ZHX3: variants seen among roughly 807,000 people sequenced by gnomAD.
The protein encoded by ZHX3 is zinc fingers and homeoboxes 3.
In ZHX3, 20 loss-of-function variants were observed where a neutral mutation model predicts 64.5. The observed-to-expected ratio is 0.31, with a 90% CI of 0.22 to 0.45. The LOEUF is 0.45. Ranked by LOEUF, ZHX3 falls within the 20% of genes least tolerant of loss-of-function variation. The probability of loss-of-function intolerance (pLI) is 1.00; values close to 1 mark genes in which losing one functional copy is unlikely to be tolerated. For synonymous variants in ZHX3, 423 were observed against 461.6 expected, an observed-to-expected ratio of 0.92 and a Z score of 1.07; for missense variants, 1,041 against 1,195.8, an observed-to-expected ratio of 0.87 and a Z score of 1.91.
chr20:41,200,420 A>G lies in ZHX3; in HGVS notation c.2860+1637T>C, dbSNP rs1286070827. Reference sequence around the variant, plus strand: ...TATAAGGACCAACTTACAAACTTGGACAAAGACTTGTAGGAGAGACTACCT... The same window carrying G: ...TATAAGGACCAACTTACAAACTTGGGCAAAGACTTGTAGGAGAGACTACCT... On this transcript the variant is annotated intron_variant, in intron 3 of 3. Coordinates refer to ENST00000683867, the MANE Select transcript of ZHX3 (RefSeq NM_001384317.1). This position sits in a 1 kb window ranked among gnomAD's most constrained non-coding sequence, Gnocchi z 4.2. Among the ~76,000 whole-genome samples the G allele has an allele frequency of 6.6e-6, 1 of 152,210 alleles. No individual in the cohort carries two copies.
chr20:41,302,044 A>C (rs1600671654), intron 1 of ZHX3, among the ~76,000 whole-genome samples: 1 of 110,080 alleles, frequency 9.1e-6, no homozygotes. Flanking sequence ...ACGGAGCGAG[A>C]CTCCATCTCA....
chr20:41,312,283 G>T (rs2045161932), intron 1 of ZHX3, among the ~76,000 whole-genome samples: 1 of 152,164 alleles, frequency 6.6e-6, no homozygotes, highest in Non-Finnish European at 1.5e-5. Flanking sequence ...CCTGTAAAAT[G>T]GACCAATCAG....
intron 3 of ZHX3, among the ~76,000 whole-genome samples, chr20:41,196,405 T>TATAA (rs2037538434): frequency 1.4e-5 from 1 of 72,840 alleles, no homozygotes; most frequent in African/African-American, 5.3e-5. Context: ...ATATATATTA[T>TATAA]ATATTATATA....
Position 41,212,246 on chromosome 20 carries a change from A to G in ZHX3, c.-150-7180T>C, listed in dbSNP as rs531891315. Among the ~76,000 whole-genome samples the G allele has an allele frequency of 3.3e-4, 51 of 152,338 alleles. No individual in the cohort carries two copies. Among genetic ancestry groups the G allele is most frequent in the Non-Finnish European group, 6.5e-4 (44 of 68,024 alleles). ...GATTTGAATAGACACTTCTCCAAAG[A>G]AGATATACAAATGGCCAGTAAAGCA... On this transcript the variant is annotated intron_variant, in intron 2 of 3. Transcript: ENST00000683867. This position sits in a 1 kb window ranked among gnomAD's most constrained non-coding sequence, Gnocchi z 4.3.
At chr20:41,307,653 A>G (rs1484190242) in intron 1 of ZHX3, among the ~76,000 whole-genome samples, 1 of 152,254 alleles carries the variant, frequency 6.6e-6, no homozygotes, top group Non-Finnish European at 1.5e-5. Context: ...ACCATGTTGT[A>G]GTCTTGCTAA....
At chr20:41,261,581 G>A (rs1455919565) in intron 2 of ZHX3, among the ~76,000 whole-genome samples, 1 of 152,144 alleles carries the variant, frequency 6.6e-6, no homozygotes, top group Non-Finnish European at 1.5e-5. Context: ...CATGGATGTG[G>A]CATTTGGGCC....
At chr20:41,306,185 G>A (rs1169443678) in intron 1 of ZHX3, among the ~76,000 whole-genome samples, 1 of 152,028 alleles carries the variant, frequency 6.6e-6, no homozygotes, top group Non-Finnish European at 1.5e-5. Context: ...ATTGTATTTG[G>A]GGATGCGACG....
chr20:41,239,379 A>G (rs1353671322), intron 2 of ZHX3, among the ~76,000 whole-genome samples: 1 of 152,104 alleles, frequency 6.6e-6, no homozygotes, highest in East Asian at 1.9e-4. Context: ...CGTGACAGCA[A>G]GGTAACTCCA....
intron 1 of ZHX3, among the ~76,000 whole-genome samples, 132 bp downstream of exon 1, chr20:41,317,349 GCGGGAGGGGGCTGACTGAGACTGCGGGC>G (rs937590823): frequency 5.3e-5 from 8 of 152,190 alleles, no homozygotes; most frequent in African/African-American, 1.9e-4. Flanking sequence ...GGGGCAGCCG[GCGGGAGGGGGCTGACTGAGACTGCGGGC>G]CGGCCGCGGG....
intron 2 of ZHX3, among the ~76,000 whole-genome samples, chr20:41,239,299 G>A (rs1394009713): frequency 2.0e-5 from 3 of 151,872 alleles, no homozygotes; most frequent in African/African-American, 4.8e-5. Flanking sequence ...GTGAGCCACC[G>A]TGCCTGGCCA....
At chr20:41,301,792 C>A (rs530643798) in intron 1 of ZHX3, among the ~76,000 whole-genome samples, 441 of 152,232 alleles carry the variant, frequency 2.9e-3, no homozygotes, top group African/African-American at 0.01. Flanking sequence ...CGGTGGCTCA[C>A]GCCTGTAATC....
Position 41,180,341 on chromosome 20 carries a change from T to C in ZHX3, c.*4850A>G, listed in dbSNP as rs982170878. The C allele has an allele frequency of 1.3e-5, 2 of 152,670 alleles. No individual in the cohort carries two copies. The highest frequency in any genetic ancestry group is 6.5e-5 in the Admixed American group (1 of 15,302). The allele number at this position is 152,670 out of a possible 1,614,324, so 9.5% of individuals were successfully genotyped here. A position where few individuals can be genotyped will look rare whatever the true frequency, so the allele number is the denominator to read the frequency against. On this transcript the variant is annotated 3_prime_UTR_variant, in exon 4 of 4. Coordinates refer to ENST00000683867, the MANE Select transcript of ZHX3 (RefSeq NM_001384317.1). ...AACCCAAAGATAGAACTTTCAGAAA[T>C]TGAGGAAGGGGGTGCTTTCCCCTGT... is the stretch of plus-strand genomic sequence containing the variant.
chr20:41,196,433 A>AATATATATATTATATATAATATATTTAT (rs2037569206), intron 3 of ZHX3, among the ~76,000 whole-genome samples: 5 of 5,566 alleles, frequency 9.0e-4, no homozygotes, highest in Non-Finnish European at 1.6e-3. Flanking sequence ...TATTTATATA[A>AATATATATATTATATATAATATATTTAT]ATATATATAT....
intron 1 of ZHX3, among the ~76,000 whole-genome samples, chr20:41,303,945 T>G (rs1329483894): frequency 6.6e-6 from 1 of 152,200 alleles, no homozygotes; most frequent in Admixed American, 6.5e-5. Context: ...CCCAAGGTAA[T>G]GTGGTGGTGG....
In ZHX3 at chr20:41,185,052, C is replaced by A. The variant is rs755558236; in HGVS notation, c.*139G>T. ...GTAGCGGCAGGCTCTGGGCTGTCTGCGAGGATTCTGGAAGCTCTCCCAGGT... is the reference window on the plus strand; with the variant it reads ...GTAGCGGCAGGCTCTGGGCTGTCTGAGAGGATTCTGGAAGCTCTCCCAGGT... On this transcript the variant is annotated 3_prime_UTR_variant, in exon 4 of 4. Transcript: ENST00000683867. The surrounding 1 kb of genome is among the most constrained non-coding windows in gnomAD (Gnocchi z 5.0). 6.4e-7 allele frequency: 1 copy of A among 1,552,268 alleles called. No homozygotes were observed. The highest frequency in any genetic ancestry group is 8.7e-7 in the Non-Finnish European group (1 of 1,147,316).
intron 2 of ZHX3, among the ~76,000 whole-genome samples, chr20:41,262,404 C>T (rs1402544423): frequency 1.3e-5 from 2 of 152,212 alleles, no homozygotes; most frequent in Non-Finnish European, 2.9e-5. Context: ...CAGCCACTAT[C>T]CCAAGAACAG....
intron 2 of ZHX3, among the ~76,000 whole-genome samples, chr20:41,254,832 T>A (rs1400151293): frequency 6.6e-6 from 1 of 152,096 alleles, no homozygotes; most frequent in African/African-American, 2.4e-5. Flanking sequence ...CCCTGACCCC[T>A]CAAGGAGTTG....
At chr20:41,253,156 C>T (rs2042071225) in intron 2 of ZHX3, among the ~76,000 whole-genome samples, 1 of 151,638 alleles carries the variant, frequency 6.6e-6, no homozygotes, top group Non-Finnish European at 1.5e-5. Flanking sequence ...CACAATTTTG[C>T]AAATACTTTA....
chr20:41,303,147 G>A (rs1033912136), intron 1 of ZHX3, among the ~76,000 whole-genome samples: 2 of 152,232 alleles, frequency 1.3e-5, no homozygotes, highest in African/African-American at 4.8e-5. Context: ...GTATGTCCAA[G>A]ATCCCATAGC....
Sources: allele counts gnomAD v4.1 joint callset (sites outside exome capture counted in the v4.1 genomes callset), GRCh38; gene constraint gnomAD v4.1.1; non-coding constraint Gnocchi (gnomAD v3.1); transcripts MANE v1.5; gene names NCBI Gene and HGNC (gene_info 2026-07-23, HGNC 2026-07-21).